The following LRBA variants were observed in gnomAD, a reference collection of about 807,000 sequenced individuals.
The protein encoded by LRBA is lipopolysaccharide-responsive and beige-like anchor protein.
Under a neutral mutation model 330.0 loss-of-function variants are expected in LRBA, and 176 were observed. The observed-to-expected ratio is 0.53, with a 90% CI of 0.47 to 0.60. LRBA has a LOEUF of 0.60. LRBA is among the 20% of genes least tolerant of loss of function. The pLI is 0.00. For missense variants in LRBA, 3,259 were observed against 3,444.8 expected (o/e 0.95, Z 1.35); for synonymous variants, 1,230 against 1,193.0 (o/e 1.03, Z -0.64).
intron 40 of LRBA, among the ~76,000 whole-genome samples, chr4:150,552,568 C>A (rs544860887): frequency 6.6e-6 from 1 of 152,224 alleles, no homozygotes; most frequent in South Asian, 2.1e-4. Flanking sequence ...ACTAGTTCAA[C>A]CACTGTGGAA....
rs76790909 is a variant in LRBA at position 150,613,883 on chromosome 4, T to G, written c.5922-14752A>C. Among the ~76,000 whole-genome samples, 549 of 152,298 alleles carry G rather than the reference T, an allele frequency of 3.6e-3. 30 individuals are homozygous for G. In the East Asian group the frequency reaches 0.09, roughly 25 times the overall value. ...GGCATCTCTTCCTAGAACTCCTTACTTGGAGAGGAAGGGAAAACTCTGAAG... is the reference window on the plus strand; with the variant it reads ...GGCATCTCTTCCTAGAACTCCTTACGTGGAGAGGAAGGGAAAACTCTGAAG... On this transcript the variant is annotated intron_variant, in intron 37 of 56. Coordinates refer to ENST00000651943, the MANE Select transcript of LRBA (RefSeq NM_001364905.1).
intron 36 of LRBA, among the ~76,000 whole-genome samples, chr4:150,705,664 T>C (rs1429611909): frequency 1.3e-5 from 2 of 151,982 alleles, no homozygotes; most frequent in African/African-American, 4.8e-5. Context: ...TGGCATAATA[T>C]TGACATATGT....
At chr4:150,394,338 T>G (rs1254342856) in intron 47 of LRBA, among the ~76,000 whole-genome samples, 1 of 152,140 alleles carries the variant, frequency 6.6e-6, no homozygotes, top group Admixed American at 6.6e-5. Flanking sequence ...TCATAAAATT[T>G]TATAAAATTA....
intron 40 of LRBA, among the ~76,000 whole-genome samples, chr4:150,519,317 A>G (rs1445037093): frequency 6.6e-6 from 1 of 152,112 alleles, no homozygotes; most frequent in Non-Finnish European, 1.5e-5. Flanking sequence ...TCACCATCCT[A>G]TTATAATATA....
chr4:150,508,239 AAG>A (rs1491160340), intron 40 of LRBA, among the ~76,000 whole-genome samples: 82 of 67,778 alleles, frequency 1.2e-3, no homozygotes, highest in Middle Eastern at 6.7e-3. Flanking sequence ...TTTAAAAAAA[AAG>A]GGGGGGGGGG....
At chr4:150,348,337 A>G (rs1736688464) in intron 48 of LRBA, among the ~76,000 whole-genome samples, 1 of 152,236 alleles carries the variant, frequency 6.6e-6, no homozygotes, top group Non-Finnish European at 1.5e-5. Flanking sequence ...ACCTTTAATG[A>G]AAAGTAGAGC....
At chr4:150,282,772 C>T (rs1747696605) in intron 54 of LRBA, 126 bp from the exon 55 acceptor site, 1 of 656,152 alleles carries the variant, frequency 1.5e-6, no homozygotes, top group South Asian at 2.8e-5. Flanking sequence ...CTTTAAAAAA[C>T]TTCCATCTTA....
At chr4:150,406,253 A>G (rs1008023517) in intron 47 of LRBA, among the ~76,000 whole-genome samples, 3 of 152,192 alleles carry the variant, frequency 2.0e-5, no homozygotes, top group Admixed American at 1.3e-4. Flanking sequence ...CATGAATCCA[A>G]CTATTATAGA....
intron 2 of LRBA, among the ~76,000 whole-genome samples, chr4:150,958,218 A>C (rs1176986236): frequency 6.7e-6 from 1 of 148,974 alleles, no homozygotes; most frequent in Admixed American, 6.6e-5. Flanking sequence ...ATTTTCATAC[A>C]TCCTCTGCAA....
chr4:150,544,493 C>CAA (rs1397514098), intron 40 of LRBA, among the ~76,000 whole-genome samples: 2 of 152,182 alleles, frequency 1.3e-5, no homozygotes, highest in African/African-American at 4.8e-5. Flanking sequence ...GTTCACACTT[C>CAA]AAATGTCGTT....
intron 40 of LRBA, among the ~76,000 whole-genome samples, chr4:150,555,986 A>G (rs1484307790): frequency 6.6e-6 from 1 of 151,874 alleles, no homozygotes; most frequent in Non-Finnish European, 1.5e-5. Flanking sequence ...CATTTTTTAT[A>G]GAGATGAGAT....
chr4:150,877,252 C>T (rs1458356456), intron 17 of LRBA, among the ~76,000 whole-genome samples: 1 of 141,200 alleles, frequency 7.1e-6, no homozygotes, highest in Non-Finnish European at 1.5e-5. Context: ...AGCAAGACTC[C>T]GTATCAAAAA....
intron 2 of LRBA, among the ~76,000 whole-genome samples, chr4:150,973,439 T>G (rs1267049234): frequency 6.6e-6 from 1 of 152,202 alleles, no homozygotes; most frequent in Non-Finnish European, 1.5e-5. Context: ...AGTGCTGGTA[T>G]TACAGGCGTG....
intron 48 of LRBA, among the ~76,000 whole-genome samples, chr4:150,345,167 C>T (rs1363780090): frequency 6.6e-6 from 1 of 152,184 alleles, no homozygotes; most frequent in Non-Finnish European, 1.5e-5. Flanking sequence ...TATCTCTGTA[C>T]TGAATTTATC....
At chr4:150,707,175 T>C (rs1369098951) in intron 36 of LRBA, among the ~76,000 whole-genome samples, 1 of 151,712 alleles carries the variant, frequency 6.6e-6, no homozygotes, top group Non-Finnish European at 1.5e-5. Flanking sequence ...GAAGGCATCC[T>C]GGAAGAGATT....
intron 37 of LRBA, among the ~76,000 whole-genome samples, chr4:150,669,017 C>A (rs572951841): frequency 6.6e-6 from 1 of 152,208 alleles, no homozygotes; most frequent in East Asian, 1.9e-4. Context: ...ATAGAGATAG[C>A]AAAACCAGTC....
At chr4:150,417,781 C>G (rs1332863398) in intron 46 of LRBA, among the ~76,000 whole-genome samples, 1 of 151,900 alleles carries the variant, frequency 6.6e-6, no homozygotes, top group Non-Finnish European at 1.5e-5. Flanking sequence ...AAAAATATAC[C>G]TAAAAAGTAC....
chr4:150,999,918 T>A (rs985075582), intron 2 of LRBA, among the ~76,000 whole-genome samples: 2 of 152,176 alleles, frequency 1.3e-5, no homozygotes, highest in Non-Finnish European at 2.9e-5. Context: ...AGGGTATACA[T>A]TGCAAGACCC....
At chr4:150,781,869 T>A (rs576646633) in intron 34 of LRBA, among the ~76,000 whole-genome samples, 2 of 152,194 alleles carry the variant, frequency 1.3e-5, no homozygotes, top group Admixed American at 6.5e-5. Context: ...CAGTGCCTAA[T>A]TCAATTTTCC....
Sources: gnomAD v4.1 joint callset for allele counts (sites outside exome capture counted in the v4.1 genomes callset) on GRCh38, gnomAD v4.1.1 for gene constraint, MANE v1.5 for transcripts, NCBI Gene and HGNC (gene_info 2026-07-23, HGNC 2026-07-21) for gene names.